The following TMEM178B variants were observed in gnomAD, a reference collection of about 807,000 sequenced individuals.
TMEM178B encodes transmembrane protein 178B.
Under a neutral mutation model 31.0 loss-of-function variants are expected in TMEM178B, and 5 were observed. The ratio of observed to expected loss-of-function variants is 0.16; its 90% CI spans 0.08 to 0.34. The LOEUF (loss-of-function observed/expected upper bound fraction) is 0.34, where lower values mean the gene tolerates loss of function less well. Ranked by LOEUF, TMEM178B falls within the 10% of genes least tolerant of loss-of-function variation. The pLI is 1.00. For synonymous variants in TMEM178B, 164 were observed against 164.0 expected (o/e 1.00, Z 0.00); for missense variants, 275 against 400.3 (o/e 0.69, Z 2.67).
intron 1 of TMEM178B, among the ~76,000 whole-genome samples, chr7:141,167,433 G>C (rs1388818179): frequency 2.0e-5 from 3 of 152,224 alleles, no homozygotes; most frequent in Non-Finnish European, 4.4e-5. Context: ...GAGTGTGCGC[G>C]AATCGTGTTG....
At chr7:141,285,549 G>C (rs1005961053) in intron 2 of TMEM178B, among the ~76,000 whole-genome samples, 6 of 151,998 alleles carry the variant, frequency 3.9e-5, no homozygotes, top group Admixed American at 2.0e-4. Context: ...AATTTATGTA[G>C]AAATTGGATT....
intron 1 of TMEM178B, among the ~76,000 whole-genome samples, chr7:141,088,640 A>T (rs1018043275): frequency 9.2e-5 from 14 of 152,124 alleles, no homozygotes; most frequent in African/African-American, 3.4e-4. Context: ...GTCCAAAGGA[A>T]TCTATTTCAT....
intron 1 of TMEM178B, among the ~76,000 whole-genome samples, 152 bp from the exon 2 acceptor site, chr7:141,212,439 C>G (rs923230454): frequency 1.3e-5 from 2 of 152,296 alleles, no homozygotes; most frequent in African/African-American, 4.8e-5. Flanking sequence ...CTCTCTTGCT[C>G]TTTTTGAGTT....
chr7:141,494,948 A>G, the TMEM178B span, among the ~76,000 whole-genome samples: 14 of 152,210 alleles, frequency 9.2e-5, no homozygotes, highest in African/African-American at 3.4e-4. Flanking sequence ...ATAAGTTGAT[A>G]ACTATTGAAG....
chr7:141,327,361 G>C (rs532140652), intron 2 of TMEM178B, among the ~76,000 whole-genome samples: 1 of 152,302 alleles, frequency 6.6e-6, no homozygotes, highest in African/African-American at 2.4e-5. Context: ...AAACTGAGCA[G>C]AAGGAACAGA....
chr7:141,482,697 C>T (rs548626228), downstream of TMEM178B, among the ~76,000 whole-genome samples: 69 of 152,270 alleles, frequency 4.5e-4, no homozygotes, highest in African/African-American at 1.5e-3. Context: ...TGGTTTATTA[C>T]ACAGGAAAGA....
chr7:141,193,268 G>T (rs146843405), intron 1 of TMEM178B, among the ~76,000 whole-genome samples: 3,114 of 152,336 alleles, frequency 0.02, 63 homozygotes, highest in Non-Finnish European at 0.028. Context: ...AGTGAATGGA[G>T]TGGCAACCTG....
intron 2 of TMEM178B, among the ~76,000 whole-genome samples, chr7:141,354,270 T>A (rs1161139936): frequency 6.6e-6 from 1 of 152,234 alleles, no homozygotes; most frequent in African/African-American, 2.4e-5. Context: ...AATACTGTCA[T>A]TTTTGGTTTC....
At chr7:141,215,020 G>A (rs1432041079) in intron 2 of TMEM178B, among the ~76,000 whole-genome samples, 2 of 152,102 alleles carry the variant, frequency 1.3e-5, no homozygotes, top group African/African-American at 4.8e-5. Context: ...CCAGAGGGCA[G>A]GTGAGCATCT....
chr7:141,139,645 C>T (rs750153041), intron 1 of TMEM178B, among the ~76,000 whole-genome samples: 11 of 152,134 alleles, frequency 7.2e-5, no homozygotes, highest in Non-Finnish European at 1.0e-4. Context: ...CTTGAGCCCC[C>T]ATTTGCTTTT....
the TMEM178B span, among the ~76,000 whole-genome samples, chr7:141,501,293 G>T: frequency 6.6e-6 from 1 of 151,496 alleles, no homozygotes; most frequent in African/African-American, 2.4e-5. Context: ...CCAAGAATCA[G>T]GTGAAATCTT....
At chr7:141,151,834 G>A (rs572087003) in intron 1 of TMEM178B, among the ~76,000 whole-genome samples, 1 of 152,318 alleles carries the variant, frequency 6.6e-6, no homozygotes, top group African/African-American at 2.4e-5. Flanking sequence ...GTGTGAGTCA[G>A]CTACAGGGGG....
the TMEM178B span, among the ~76,000 whole-genome samples, chr7:141,493,663 G>A: frequency 7.9e-5 from 12 of 152,088 alleles, no homozygotes; most frequent in East Asian, 3.8e-4. Context: ...CTGCCCTGAC[G>A]TGAACATGAA....
At chr7:141,269,351 A>G (rs898880936) in intron 2 of TMEM178B, among the ~76,000 whole-genome samples, 2 of 152,098 alleles carry the variant, frequency 1.3e-5, no homozygotes, top group Admixed American at 6.5e-5. Context: ...TCAGCCTCCC[A>G]AAGTGCTTTC....
In TMEM178B at chr7:141,085,431, G is replaced by C. The variant is rs190767535; in HGVS notation, c.382+10739G>C. Among the ~76,000 whole-genome samples the C allele has an allele frequency of 3.9e-5, 6 of 152,152 alleles. No individual in the cohort carries two copies. In the East Asian group the frequency reaches 7.7e-4, roughly 20 times the overall value. On this transcript the variant is annotated intron_variant, in intron 1 of 3. Transcript: ENST00000565468. The stretch of plus-strand genomic sequence containing the variant: ...TTCACAGAAGTTTGACAGATTTGCT[G>C]CTTTTATAGGAGACTGCAGTATCTG...
chr7:141,248,371 A>G (rs1036917542), intron 2 of TMEM178B, among the ~76,000 whole-genome samples: 4 of 152,260 alleles, frequency 2.6e-5, no homozygotes, highest in Admixed American at 6.5e-5. Flanking sequence ...AGATTGCGCC[A>G]CTGCACTCCA....
At chr7:141,481,109 C>T (rs2116746248), downstream of TMEM178B, among the ~76,000 whole-genome samples, 1 of 152,336 alleles carries the variant, frequency 6.6e-6, no homozygotes, top group Non-Finnish European at 1.5e-5. Context: ...CTCTGGGCAC[C>T]ACAGCTCACC....
intron 1 of TMEM178B, among the ~76,000 whole-genome samples, chr7:141,126,699 A>G (rs1307279103): frequency 2.0e-5 from 3 of 152,146 alleles, no homozygotes; most frequent in Non-Finnish European, 2.9e-5. Context: ...TCAGTTTTCT[A>G]TTGTTTTATG....
intron 3 of TMEM178B, among the ~76,000 whole-genome samples, chr7:141,458,036 A>G (rs58188965): frequency 0.035 from 5,307 of 152,330 alleles, 270 homozygotes; most frequent in African/African-American, 0.12. Context: ...TCAAGTAGGA[A>G]GAAGGACAGT....
Sources: gnomAD v4.1 joint callset for allele counts (sites outside exome capture counted in the v4.1 genomes callset) on GRCh38, gnomAD v4.1.1 for gene constraint, MANE v1.5 for transcripts, NCBI Gene and HGNC (gene_info 2026-07-23, HGNC 2026-07-21) for gene names.